CALN1: variants seen among roughly 807,000 people sequenced by gnomAD.
The protein encoded by CALN1 is calcium-binding protein 8.
In CALN1, 17 loss-of-function variants were observed where a neutral mutation model predicts 30.6. The ratio of observed to expected loss-of-function variants is 0.56; its 90% CI spans 0.38 to 0.83. The LOEUF (loss-of-function observed/expected upper bound fraction) is 0.83. Among genes scored for constraint, CALN1 ranks in the 40% least tolerant of loss-of-function variants. The probability of loss-of-function intolerance (pLI) is 0.00; values close to 1 mark genes in which losing one functional copy is unlikely to be tolerated. For synonymous variants in CALN1, 156 were observed against 131.4 expected, an observed-to-expected ratio of 1.19 and a Z score of -1.28; for missense variants, 291 against 354.9, an observed-to-expected ratio of 0.82 and a Z score of 1.45.
At chr7:72,289,062 T>C (rs915336206) in intron 2 of CALN1, among the ~76,000 whole-genome samples, 1 of 152,240 alleles carries the variant, frequency 6.6e-6, no homozygotes, top group Non-Finnish European at 1.5e-5. Flanking sequence ...ATTTGAATTA[T>C]GAAGGTTAAC....
In CALN1 at chr7:72,023,700, C is replaced by A. The variant is rs764569419; in HGVS notation, c.458G>T (p.Arg153Leu). Residue 153 changes from arginine (R) to leucine (L), a missense_variant, in exon 5 of 7, where the codon CGC becomes CTC. Arg to Leu is a moderately radical substitution (Grantham distance 102). Around this residue, in one of 2 missense-constraint regions of CALN1, gnomAD observed 169 missense variants for 251.7 expected, o/e 0.67. Transcript: ENST00000395275. ...LGPKLVSSEG[R>L]DGFLGNTIDS... ...TATCGTGTTCCCAAGAAAACCATCG[C>A]GACCTTCTGAAGACACCAGTTTGGG... is the stretch of plus-strand genomic sequence containing the variant. The A allele has an allele frequency of 6.2e-7, 1 of 1,613,948 alleles. No homozygotes were observed. Among genetic ancestry groups the A allele is most frequent in the Non-Finnish European group, 8.5e-7 (1 of 1,179,942 alleles).
the CALN1 span, among the ~76,000 whole-genome samples, chr7:72,500,269 C>CTTTTTTTTTTTTTTTTTTTTTTTTT: frequency 1.4e-4 from 7 of 51,396 alleles, 2 homozygotes; most frequent in South Asian, 9.2e-4. Flanking sequence ...TTCGTTCCTT[C>CTTTTTTTTTTTTTTTTTTTTTTTTT]TTTTTTTTTT....
At chr7:72,437,263 C>T (rs1808190492) in intron 1 of CALN1, among the ~76,000 whole-genome samples, 3 of 152,078 alleles carry the variant, frequency 2.0e-5, no homozygotes, top group Admixed American at 2.0e-4. Context: ...AAATCATGGG[C>T]CTCAGTTTTT....
At chr7:72,243,336 A>G (rs1262983484) in intron 3 of CALN1, among the ~76,000 whole-genome samples, 1 of 152,206 alleles carries the variant, frequency 6.6e-6, no homozygotes, top group African/African-American at 2.4e-5. Flanking sequence ...AACTATGAGA[A>G]ACAAACTTTT....
the CALN1 span, among the ~76,000 whole-genome samples, chr7:72,463,875 A>C: frequency 6.6e-6 from 1 of 151,562 alleles, no homozygotes; most frequent in South Asian, 2.1e-4. Flanking sequence ...CTGGCTACTT[A>C]AAGGAATGGG....
chr7:72,155,725 T>C lies in CALN1; in HGVS notation c.245-49431A>G, dbSNP rs374786050. On this transcript the variant is annotated intron_variant, in intron 3 of 6. Coordinates refer to ENST00000395275, the MANE Select transcript of CALN1 (RefSeq NM_031468.4). The stretch of plus-strand genomic sequence containing the variant: ...CTGCTGTAACAAATTACCCTAACTC[T>C]ATGGCTTAAAACCACACAAATTTGT... Among the ~76,000 whole-genome samples, 24 of 152,256 alleles carry C rather than the reference T, an allele frequency of 1.6e-4. 1 individual carries two copies. The East Asian group carries it at 4.1e-3, about 26-fold the overall frequency.
At chr7:71,883,271 A>G (rs66494751) in intron 5 of CALN1, among the ~76,000 whole-genome samples, 29,481 of 152,072 alleles carry the variant, frequency 0.19, 3,365 homozygotes, top group Non-Finnish European at 0.25. Flanking sequence ...TGCTGTATGA[A>G]TAACTGAATG....
At chr7:72,123,373 T>C (rs1335198725) in intron 3 of CALN1, among the ~76,000 whole-genome samples, 2 of 152,330 alleles carry the variant, frequency 1.3e-5, no homozygotes, top group East Asian at 1.9e-4. Flanking sequence ...TTGGAGGAAC[T>C]GGTTCTAATC....
intron 5 of CALN1, among the ~76,000 whole-genome samples, chr7:71,951,357 G>A (rs748262886): frequency 6.6e-6 from 1 of 152,154 alleles, no homozygotes; most frequent in Non-Finnish European, 1.5e-5. Flanking sequence ...TTGGGAGGCC[G>A]AGGCAGCTGC....
intron 6 of CALN1, among the ~76,000 whole-genome samples, chr7:71,799,506 C>T (rs1376541036): frequency 1.3e-5 from 2 of 151,928 alleles, no homozygotes; most frequent in African/African-American, 4.8e-5. Context: ...CACTCTGTTG[C>T]CCAGGCTGGA....
At chr7:72,407,587 C>T (rs1258754006) in intron 1 of CALN1, among the ~76,000 whole-genome samples, 2 of 152,180 alleles carry the variant, frequency 1.3e-5, no homozygotes, top group East Asian at 1.9e-4. Context: ...CTTGGCCTTC[C>T]ACCATAATTG....
chr7:72,220,721 T>A (rs992586935), intron 3 of CALN1, among the ~76,000 whole-genome samples: 2 of 151,886 alleles, frequency 1.3e-5, no homozygotes, highest in Non-Finnish European at 3.0e-5. Context: ...CCTGACTTTT[T>A]AATGATTGCC....
intron 5 of CALN1, among the ~76,000 whole-genome samples, chr7:71,911,449 T>C (rs771273366): frequency 1.3e-5 from 2 of 152,142 alleles, no homozygotes; most frequent in Non-Finnish European, 2.9e-5. Context: ...TTTAGTTTGT[T>C]TGAGACCAGT....
chr7:72,182,657 T>C (rs891666308), intron 3 of CALN1, among the ~76,000 whole-genome samples: 6 of 150,930 alleles, frequency 4.0e-5, no homozygotes, highest in African/African-American at 1.5e-4. Flanking sequence ...GAGGTGGAGG[T>C]TGCAGTGAGC....
intron 1 of CALN1, among the ~76,000 whole-genome samples, chr7:72,411,771 T>C (rs142823737): frequency 6.6e-6 from 1 of 152,128 alleles, no homozygotes; most frequent in East Asian, 1.9e-4. Context: ...ATGAATGTAA[T>C]TGCTAAGGAA....
At chr7:72,099,715 A>G (rs1360082493) in intron 4 of CALN1, among the ~76,000 whole-genome samples, 1 of 152,146 alleles carries the variant, frequency 6.6e-6, no homozygotes, top group Non-Finnish European at 1.5e-5. Flanking sequence ...ATTTTCATGG[A>G]TTTTGTACTA....
intron 2 of CALN1, among the ~76,000 whole-genome samples, chr7:72,281,159 GC>G (rs1797712817): frequency 6.6e-6 from 1 of 151,412 alleles, no homozygotes; most frequent in South Asian, 2.1e-4. Context: ...GATGAATTCA[GC>G]CCCTTTCCCT....
rs141161513 is a variant in CALN1 at position 72,395,229 on chromosome 7, G to A, written c.119+8022C>T. On this transcript the variant is annotated intron_variant, in intron 2 of 6. Coordinates refer to ENST00000395275, the MANE Select transcript of CALN1 (RefSeq NM_031468.4). ...AGGGTGTGAGCATTCATGGGCCCCAGAATATGTCAGTTATCTATCATTTGC... is the reference window on the plus strand; with the variant it reads ...AGGGTGTGAGCATTCATGGGCCCCAAAATATGTCAGTTATCTATCATTTGC... 5.2e-3 allele frequency among the ~76,000 whole-genome samples: 796 copies of A among 152,262 alleles called. 6 individuals carry two copies. Among genetic ancestry groups the A allele is most frequent in the African/African-American group, 0.018 (760 of 41,540 alleles).
intron 2 of CALN1, among the ~76,000 whole-genome samples, chr7:72,386,002 T>C (rs540709539): frequency 4.1e-4 from 62 of 152,314 alleles, no homozygotes; most frequent in African/African-American, 1.4e-3. Context: ...AATTCATATA[T>C]GTAAGTGAGA....
Sources: gnomAD v4.1 joint callset for allele counts (sites outside exome capture counted in the v4.1 genomes callset) on GRCh38, gnomAD v4.1.1 for gene constraint, gnomAD v4.1.1 regional missense constraint, MANE v1.5 for transcripts, NCBI Gene and HGNC (gene_info 2026-07-23, HGNC 2026-07-21) for gene names.